The following PARD3B variants were observed in gnomAD, a reference collection of about 807,000 sequenced individuals.
The protein encoded by PARD3B is partitioning defective 3 homolog B.
A neutral mutation model predicts 130.2 loss-of-function variants in PARD3B; 103 were observed. The ratio of observed to expected loss-of-function variants is 0.79; its 90% CI spans 0.67 to 0.93. PARD3B has a LOEUF of 0.93. PARD3B is among the 40% of genes least tolerant of loss of function. The pLI is 0.00. For synonymous variants in PARD3B, 583 were observed against 553.2 expected, an observed-to-expected ratio of 1.05 and a Z score of -0.76; for missense variants, 1,609 against 1,499.2, an observed-to-expected ratio of 1.07 and a Z score of -1.21.
chr2:204,882,890 G>A (rs1481892818), intron 2 of PARD3B, among the ~76,000 whole-genome samples: 1 of 152,152 alleles, frequency 6.6e-6, no homozygotes, highest in African/African-American at 2.4e-5. Flanking sequence ...AATGAGCTTG[G>A]CAGTCCTGGT....
At position 205,047,588 on chromosome 2, in the gene PARD3B, A is replaced by G; in HGVS notation, c.402A>G (p.Pro134=). ...VTPSALKLGT[P]LLVRRSSDPV... ...TCTCACTTTGTCTTCCAGGCACTCC[A>G]CTGCTGGTGAGGAGAAGCAGTGACC... The change falls in exon 4 of 23, where the codon CCA becomes CCG. Residue 134 remains proline, a synonymous_variant. Transcript: ENST00000406610. 2.6e-6 allele frequency: 4 copies of G among 1,548,934 alleles called. No individual in the cohort carries two copies. Among genetic ancestry groups the G allele is most frequent in the Non-Finnish European group, 3.5e-6 (4 of 1,145,970 alleles).
chr2:205,554,826 A>G (rs2106501818), intron 22 of PARD3B, among the ~76,000 whole-genome samples: 1 of 152,304 alleles, frequency 6.6e-6, no homozygotes, highest in South Asian at 2.1e-4. Context: ...TAGGGATGAT[A>G]TAACGTGTAT....
chr2:204,796,878 A>G (rs899533414), intron 2 of PARD3B, among the ~76,000 whole-genome samples: 1 of 152,174 alleles, frequency 6.6e-6, no homozygotes, highest in Non-Finnish European at 1.5e-5. Flanking sequence ...TTGACTGTAC[A>G]TTAAACTATT....
At chr2:205,108,117 C>T (rs1703356398) in intron 5 of PARD3B, among the ~76,000 whole-genome samples, 1 of 152,156 alleles carries the variant, frequency 6.6e-6, no homozygotes, top group Admixed American at 6.6e-5. Flanking sequence ...ATATGTGGGA[C>T]ATTTCCCCAT....
At position 204,709,158 on chromosome 2, in the gene PARD3B, G is replaced by A. The variant is rs184439470; in HGVS notation, c.222+22876G>A. 3.4e-3 allele frequency among the ~76,000 whole-genome samples: 521 copies of A among 152,064 alleles called. 3 individuals are homozygous for A. The highest frequency in any genetic ancestry group is 0.012 in the African/African-American group (490 of 41,472). On this transcript the variant is annotated intron_variant, in intron 2 of 22. Transcript: ENST00000406610. ...CTTACCCTTTTGAAAAAAAAATTCC[G>A]TTTCCAGAATTGTAAGGTAAAAATG...
chr2:204,758,932 T>G (rs147834736), intron 2 of PARD3B, among the ~76,000 whole-genome samples: 352 of 152,340 alleles, frequency 2.3e-3, no homozygotes, highest in Non-Finnish European at 3.5e-3. Context: ...TTTGAGTTCC[T>G]CAGTTGTCCT....
chr2:204,877,001 A>C (rs1412350365), intron 2 of PARD3B, among the ~76,000 whole-genome samples: 1 of 151,946 alleles, frequency 6.6e-6, no homozygotes, highest in Non-Finnish European at 1.5e-5. Context: ...ATCGCCACAC[A>C]CTCTAGATCC....
rs1223662635 is a variant in PARD3B at position 205,229,586 on chromosome 2, C to T, written c.2141-16192C>T. Among the ~76,000 whole-genome samples the T allele has an allele frequency of 6.6e-6, 1 of 152,110 alleles. No individual in the cohort carries two copies. Among genetic ancestry groups the T allele is most frequent in the Non-Finnish European group, 1.5e-5 (1 of 68,034 alleles). On this transcript the variant is annotated intron_variant, in intron 15 of 22. Transcript: ENST00000406610. The surrounding 1 kb of genome is among the most constrained non-coding windows in gnomAD (Gnocchi z 5.2). ...AGCACCCTGTGGCCACTACGACTAC[C>T]ACTGGTACTGTTTGGGGTCAGACCT...
chr2:204,586,895 T>A (rs2032851091), intron 1 of PARD3B, among the ~76,000 whole-genome samples: 1 of 152,348 alleles, frequency 6.6e-6, no homozygotes, highest in Admixed American at 6.5e-5. Context: ...CTGCTGAACA[T>A]GGCATGTTCG....
At chr2:205,547,846 A>AAATC (rs1364946723) in intron 21 of PARD3B, among the ~76,000 whole-genome samples, 1 of 152,184 alleles carries the variant, frequency 6.6e-6, no homozygotes, top group Admixed American at 6.5e-5. Flanking sequence ...GGCCTAACTT[A>AAATC]AATCATGCCA....
chr2:205,218,963 C>G (rs968104859), intron 15 of PARD3B, among the ~76,000 whole-genome samples: 3 of 151,960 alleles, frequency 2.0e-5, no homozygotes, highest in Non-Finnish European at 2.9e-5. Flanking sequence ...GCCTGTAATT[C>G]CAGCTACTCG....
At chr2:205,188,750 T>C (rs2036230955) in intron 14 of PARD3B, among the ~76,000 whole-genome samples, 1 of 141,444 alleles carries the variant, frequency 7.1e-6, no homozygotes, top group Non-Finnish European at 1.5e-5. Flanking sequence ...CCAGGAGGAT[T>C]GAGCAAGAAA....
At chr2:205,554,173 G>GT (rs1026984163) in intron 22 of PARD3B, among the ~76,000 whole-genome samples, 1 of 152,152 alleles carries the variant, frequency 6.6e-6, no homozygotes, top group African/African-American at 2.4e-5. Context: ...GAGAAACAAA[G>GT]TAAGGTTAAT....
intron 2 of PARD3B, among the ~76,000 whole-genome samples, chr2:204,712,613 C>CAAAAAAAAA: frequency 2.1e-5 from 1 of 47,600 alleles, no homozygotes; most frequent in Non-Finnish European, 4.7e-5. Context: ...GACCCCATCT[C>CAAAAAAAAA]AAAAAAAAAA....
At chr2:205,605,803 C>G (rs2054972647) in intron 22 of PARD3B, among the ~76,000 whole-genome samples, 1 of 152,158 alleles carries the variant, frequency 6.6e-6, no homozygotes, top group Admixed American at 6.5e-5. Flanking sequence ...TGGGAGGAAT[C>G]CCACTTGTCC....
chr2:205,245,238 G>A (rs963405627), intron 15 of PARD3B, among the ~76,000 whole-genome samples: 3 of 152,144 alleles, frequency 2.0e-5, no homozygotes, highest in Non-Finnish European at 4.4e-5. Flanking sequence ...CATCTCTTGG[G>A]ATCACTGCAT....
At position 204,658,622 on chromosome 2, in the gene PARD3B, A is replaced by AT. The variant is rs920183936; in HGVS notation, c.121-27549dup. 3.2e-3 allele frequency among the ~76,000 whole-genome samples: 484 copies of AT among 150,262 alleles called. 1 individual carries two copies. The highest frequency in any genetic ancestry group is 0.011 in the African/African-American group (446 of 41,014). On this transcript the variant is annotated intron_variant, in intron 1 of 22. Transcript: ENST00000406610. The stretch of plus-strand genomic sequence containing the variant: ...CTCTAGAACAGGCATTCAACAAATT[A>AT]TTTTTTTTTTCTTTTCCAAACCTTG...
chr2:205,047,568 C>A lies in PARD3B; in HGVS notation c.395-13C>A. On this transcript the variant is annotated splice_polypyrimidine_tract_variant and intron_variant, in intron 3 of 22. Transcript: ENST00000406610. ...GGTTCTTTTGACCTCTCACCTCTCA[C>A]TTTGTCTTCCAGGCACTCCACTGCT... 6.5e-7 allele frequency: 1 copy of A among 1,536,414 alleles called. No individual in the cohort carries two copies. Among genetic ancestry groups the A allele is most frequent in the Non-Finnish European group, 8.8e-7 (1 of 1,135,084 alleles).
At chr2:205,408,280 C>T (rs2046478686) in intron 19 of PARD3B, among the ~76,000 whole-genome samples, 1 of 152,068 alleles carries the variant, frequency 6.6e-6, no homozygotes, top group African/African-American at 2.4e-5. Flanking sequence ...CTGCAAGTTC[C>T]CCACATAAAC....
Sources: gnomAD v4.1 joint callset for allele counts (sites outside exome capture counted in the v4.1 genomes callset) on GRCh38, gnomAD v4.1.1 for gene constraint, Gnocchi (gnomAD v3.1) non-coding constraint, MANE v1.5 for transcripts, NCBI Gene and HGNC (gene_info 2026-07-23, HGNC 2026-07-21) for gene names.